TLK1: variants seen among roughly 807,000 people sequenced by gnomAD.
The protein encoded by TLK1 is tousled like kinase 1.
TLK1 carries 24 observed loss-of-function variants against 105.3 expected under a neutral mutation model. The ratio of observed to expected loss-of-function variants is 0.23; its 90% confidence interval spans 0.17 to 0.32. TLK1 has a LOEUF of 0.32. Among genes scored for constraint, TLK1 ranks in the 10% least tolerant of loss-of-function variants. The probability of loss-of-function intolerance (pLI) is 1.00; values close to 1 mark genes in which losing one functional copy is unlikely to be tolerated. For missense variants in TLK1, 558 were observed against 910.5 expected (o/e 0.61, Z 4.98); for synonymous variants, 321 against 310.4 (o/e 1.03, Z -0.36).
chr2:171,072,859 G>A (rs1688325031), intron 3 of TLK1, among the ~76,000 whole-genome samples: 1 of 150,964 alleles, frequency 6.6e-6, no homozygotes, highest in Non-Finnish European at 1.5e-5. Context: ...AACCGGGGAG[G>A]TGGTGGTTGC....
At chr2:171,211,504 A>T (rs1241732173) in intron 1 of TLK1, among the ~76,000 whole-genome samples, 1 of 152,180 alleles carries the variant, frequency 6.6e-6, no homozygotes, top group Non-Finnish European at 1.5e-5. Flanking sequence ...TATTTTGCAC[A>T]GACTACACTC....
chr2:171,028,375 T>C lies in TLK1; in HGVS notation c.1200A>G (p.Glu400=), dbSNP rs754809723. The stretch of plus-strand genomic sequence containing the variant: ...GTCCTAGTCTAAGTTTGAAAATTTC[T>C]TCCTGTTCATGATATTCTGCCAAAG... ...LLTLAEYHEQ[E]EIFKLRLGHL... is the part of the protein sequence containing the mutation. The change falls in exon 12 of 21, where the codon GAA becomes GAG. Residue 400 remains glutamate, a synonymous_variant. Transcript: ENST00000431350. 6.8e-6 allele frequency: 11 copies of C among 1,611,242 alleles called. No individual in the cohort carries two copies. Among genetic ancestry groups the C allele is most frequent in the Non-Finnish European group, 8.5e-6 (10 of 1,178,158 alleles).
At chr2:171,075,384 G>A (rs1349686011) in intron 3 of TLK1, among the ~76,000 whole-genome samples, 1 of 152,070 alleles carries the variant, frequency 6.6e-6, no homozygotes, top group Non-Finnish European at 1.5e-5. Context: ...GTGGATAAAG[G>A]CTTAAGACTT....
At position 171,121,377 on chromosome 2, in the gene TLK1, C is replaced by T. The variant is rs1487863877; in HGVS notation, c.140-3520G>A. Among the ~76,000 whole-genome samples the T allele has an allele frequency of 2.0e-5, 3 of 152,124 alleles. No individual in the cohort carries two copies. In the East Asian group the frequency reaches 5.8e-4, roughly 29 times the overall value. On this transcript the variant is annotated intron_variant, in intron 1 of 20. Coordinates refer to ENST00000431350, the MANE Select transcript of TLK1 (RefSeq NM_012290.5). ...CAAAACCCTGTCTCTACAAAAAATA[C>T]AAAAATTAGCTGGGTGTGGCAGTGA... is the stretch of plus-strand genomic sequence containing the variant.
At chr2:171,221,178 C>G (rs899155425) in intron 1 of TLK1, among the ~76,000 whole-genome samples, 1 of 152,170 alleles carries the variant, frequency 6.6e-6, no homozygotes, top group African/African-American at 2.4e-5. Flanking sequence ...CCTTTATTTT[C>G]TTTTACCAGG....
intron 2 of TLK1, among the ~76,000 whole-genome samples, chr2:171,096,320 C>T (rs773551578): frequency 5.9e-5 from 9 of 151,578 alleles, no homozygotes; most frequent in Non-Finnish European, 1.2e-4. Flanking sequence ...ATCAACATAG[C>T]GAGACCCCAT....
chr2:171,156,216 T>A lies in TLK1; in HGVS notation c.139+4074A>T, dbSNP rs185306638. Among the ~76,000 whole-genome samples, 9 of 152,284 alleles carry A rather than the reference T, an allele frequency of 5.9e-5. No individual in the cohort carries two copies. The East Asian group carries it at 1.5e-3, about 26-fold the overall frequency. On this transcript the variant is annotated intron_variant, in intron 1 of 20. Transcript: ENST00000431350. ...TTCACATATCTCAACCAAAACATCA[T>A]AACAGACTGAAGGCAGACAAAAAAT...
At chr2:171,216,454 C>T (rs139349778) in intron 1 of TLK1, among the ~76,000 whole-genome samples, 20 of 152,026 alleles carry the variant, frequency 1.3e-4, no homozygotes, top group Admixed American at 7.2e-4. Context: ...CCAGCCTGGG[C>T]GACAGAGCAA....
At chr2:171,044,164 G>A (rs1267414095) in intron 11 of TLK1, among the ~76,000 whole-genome samples, 1 of 152,184 alleles carries the variant, frequency 6.6e-6, no homozygotes, top group African/African-American at 2.4e-5. Flanking sequence ...GCTCATGCCT[G>A]TGATCCCAGC....
chr2:171,103,635 A>G (rs538778129), intron 2 of TLK1, among the ~76,000 whole-genome samples: 1 of 152,168 alleles, frequency 6.6e-6, no homozygotes, highest in Admixed American at 6.5e-5. Flanking sequence ...TTTTTAAGGG[A>G]TGTTTCTTGT....
intron 1 of TLK1, among the ~76,000 whole-genome samples, chr2:171,144,931 G>C (rs1691730235): frequency 1.3e-5 from 2 of 152,064 alleles, no homozygotes; most frequent in Non-Finnish European, 2.9e-5. Flanking sequence ...ACTTCACAAA[G>C]GATAACGAAA....
At chr2:171,138,510 G>A (rs1042049491) in intron 1 of TLK1, among the ~76,000 whole-genome samples, 1 of 152,028 alleles carries the variant, frequency 6.6e-6, no homozygotes, top group African/African-American at 2.4e-5. Flanking sequence ...TTTTTCTCAA[G>A]CTAGAGAAGA....
chr2:171,204,579 T>C (rs191170109), intron 1 of TLK1, among the ~76,000 whole-genome samples: 38 of 151,300 alleles, frequency 2.5e-4, no homozygotes, highest in African/African-American at 8.7e-4. Flanking sequence ...AAGGTAGTTA[T>C]GGCTAATTGA....
At chr2:171,212,339 T>A (rs1334639507) in intron 1 of TLK1, among the ~76,000 whole-genome samples, 1 of 139,928 alleles carries the variant, frequency 7.1e-6, no homozygotes, top group Non-Finnish European at 1.5e-5. Context: ...CCTGTTATGC[T>A]GCCTTTTTGC....
At chr2:171,212,801 A>T (rs1283742536) in intron 1 of TLK1, among the ~76,000 whole-genome samples, 2 of 152,132 alleles carry the variant, frequency 1.3e-5, no homozygotes, top group Non-Finnish European at 2.9e-5. Context: ...CTTTAGCAAG[A>T]TATTTGAGCT....
intron 11 of TLK1, among the ~76,000 whole-genome samples, chr2:171,034,201 C>T (rs1403623803): frequency 6.6e-6 from 1 of 152,110 alleles, no homozygotes; most frequent in Non-Finnish European, 1.5e-5. Context: ...GGAAAATAAG[C>T]AGTTCTTGAA....
At chr2:171,046,500 T>C (rs1686968247) in intron 10 of TLK1, 138 bp from the exon 11 acceptor site, 2 of 912,830 alleles carry the variant, frequency 2.2e-6, no homozygotes, top group Non-Finnish European at 3.1e-6. Flanking sequence ...TGTGAACCAA[T>C]TTGTACTTAT....
chr2:171,143,284 C>G (rs1335162289), intron 1 of TLK1, among the ~76,000 whole-genome samples: 2 of 151,904 alleles, frequency 1.3e-5, no homozygotes, highest in Non-Finnish European at 2.9e-5. Context: ...GTGGGAGGAT[C>G]ACTTGAGGTC....
chr2:171,022,276 AAC>A (rs1396266623), intron 12 of TLK1, among the ~76,000 whole-genome samples: 2 of 152,166 alleles, frequency 1.3e-5, no homozygotes, highest in Non-Finnish European at 2.9e-5. Flanking sequence ...TAAGAACGTA[AAC>A]ACTGAGTTTT....
Sources: allele counts gnomAD v4.1 joint callset (sites outside exome capture counted in the v4.1 genomes callset), GRCh38; gene constraint gnomAD v4.1.1; transcripts MANE v1.5; gene names NCBI Gene and HGNC (gene_info 2026-07-23, HGNC 2026-07-21).